ELAVL4: variants seen among roughly 807,000 people sequenced by gnomAD.
The protein encoded by ELAVL4 is ELAV-like protein 4.
A neutral mutation model predicts 35.6 loss-of-function variants in ELAVL4; 1 was observed. The ratio of observed to expected loss-of-function variants is 0.03; its 90% CI spans 0.01 to 0.13. The LOEUF is 0.13. Ranked by LOEUF, ELAVL4 falls within the 10% of genes least tolerant of loss-of-function variation. The pLI, the probability that ELAVL4 is intolerant of heterozygous loss-of-function variation, is 1.00. For synonymous variants in ELAVL4, 156 were observed against 171.0 expected, an observed-to-expected ratio of 0.91 and a Z score of 0.69; for missense variants, 267 against 464.9, an observed-to-expected ratio of 0.57 and a Z score of 3.91.
intron 2 of ELAVL4, among the ~76,000 whole-genome samples, chr1:50,166,697 G>A (rs532073511): frequency 5.9e-5 from 9 of 152,292 alleles, no homozygotes; most frequent in Admixed American, 2.6e-4. Context: ...ATCACAGGGC[G>A]TGGTAATACT....
At chr1:50,153,919 A>G (rs1675254277) in intron 2 of ELAVL4, among the ~76,000 whole-genome samples, 1 of 152,216 alleles carries the variant, frequency 6.6e-6, no homozygotes, top group Admixed American at 6.5e-5. Context: ...CAAGCCAGAA[A>G]AAGAGCCTTC....
At chr1:50,061,079 C>T (rs1050099566) in intron 1 of ELAVL4, among the ~76,000 whole-genome samples, 9 of 152,178 alleles carry the variant, frequency 5.9e-5, no homozygotes, top group African/African-American at 2.2e-4. Context: ...CCTAAAGTAT[C>T]AAAGAGGTCA....
intron 1 of ELAVL4, among the ~76,000 whole-genome samples, chr1:50,090,092 G>T (rs1477300119): frequency 1.3e-5 from 2 of 152,156 alleles, no homozygotes; most frequent in African/African-American, 2.4e-5. Context: ...GAGGACAGTT[G>T]GAAGGTTCTG....
At chr1:50,049,094 C>G (rs1177193036) in intron 1 of ELAVL4, among the ~76,000 whole-genome samples, 1 of 152,118 alleles carries the variant, frequency 6.6e-6, no homozygotes, top group Non-Finnish European at 1.5e-5. Flanking sequence ...CATATTGATT[C>G]CCAAGCTGTT....
At chr1:50,190,578 G>C (rs1682519164) in intron 3 of ELAVL4, among the ~76,000 whole-genome samples, 1 of 152,220 alleles carries the variant, frequency 6.6e-6, no homozygotes, top group African/African-American at 2.4e-5. Context: ...TTGATGTGCT[G>C]TTCACCTTTG....
At chr1:50,174,613 GA>G (rs1679658912) in intron 2 of ELAVL4, 1 of 152,024 alleles carries the variant, frequency 6.6e-6, no homozygotes, top group Non-Finnish European at 1.5e-5. Context: ...GGTGATGGTG[GA>G]TTTGGGACTG....
chr1:50,133,597 AGAAAAGAAAGAAAG>A (rs1406580271), intron 1 of ELAVL4, among the ~76,000 whole-genome samples: 1 of 123,982 alleles, frequency 8.1e-6, no homozygotes, highest in African/African-American at 3.1e-5. Flanking sequence ...AAAGAAAGAA[AGAAAAGAAAGAAAG>A]AAAGAAAGAA....
intron 1 of ELAVL4, among the ~76,000 whole-genome samples, chr1:50,048,552 C>G (rs1222183282): frequency 1.3e-5 from 2 of 152,160 alleles, no homozygotes; most frequent in Non-Finnish European, 2.9e-5. Flanking sequence ...TGCGCCTTTC[C>G]GTAGTTGTCC....
At chr1:50,111,281 G>T in intron 1 of ELAVL4, among the ~76,000 whole-genome samples, 1 of 149,274 alleles carries the variant, frequency 6.7e-6, no homozygotes, top group South Asian at 2.1e-4. Context: ...GTGTGAAATT[G>T]TACATGCGAA....
chr1:50,089,384 G>GT (rs780750666), intron 1 of ELAVL4, among the ~76,000 whole-genome samples: 17 of 151,978 alleles, frequency 1.1e-4, no homozygotes, highest in Non-Finnish European at 1.9e-4. Flanking sequence ...TTCTAATATA[G>GT]TTTTTTTGAA....
At chr1:50,114,335 A>T (rs1350539325) in intron 1 of ELAVL4, among the ~76,000 whole-genome samples, 1 of 152,072 alleles carries the variant, frequency 6.6e-6, no homozygotes, top group East Asian at 1.9e-4. Context: ...AAGTGTTAAC[A>T]TCTGTGCTTT....
intron 1 of ELAVL4, among the ~76,000 whole-genome samples, chr1:50,110,981 G>A (rs1666971769): frequency 6.6e-6 from 1 of 151,958 alleles, no homozygotes; most frequent in African/African-American, 2.4e-5. Flanking sequence ...AAAAGGGGAG[G>A]GGGACAGGAC....
chr1:50,108,784 T>A (rs1666582770), upstream of ELAVL4: 2 of 312,938 alleles, frequency 6.4e-6, no homozygotes, highest in Non-Finnish European at 9.3e-6. Flanking sequence ...ACCAAATCAT[T>A]AACATCGTCA....
At chr1:50,062,491 C>G (rs1442369497) in intron 1 of ELAVL4, among the ~76,000 whole-genome samples, 1 of 152,102 alleles carries the variant, frequency 6.6e-6, no homozygotes, top group African/African-American at 2.4e-5. Context: ...CCATACCACA[C>G]CCACCTTAAT....
At chr1:50,145,230 T>C in intron 2 of ELAVL4, 33 bp downstream of exon 2, 2 of 1,612,040 alleles carry the variant, frequency 1.2e-6, no homozygotes, top group Non-Finnish European at 1.7e-6. Context: ...TGTTGTTCCA[T>C]TAGATGTGCA....
At chr1:50,101,456 G>A (rs1390970617), upstream of ELAVL4, among the ~76,000 whole-genome samples, 1 of 152,128 alleles carries the variant, frequency 6.6e-6, no homozygotes, top group Non-Finnish European at 1.5e-5. Flanking sequence ...CTAAAAGCAT[G>A]TCACAAAGAA....
At chr1:50,198,265 G>T (rs1264481536) in intron 6 of ELAVL4, among the ~76,000 whole-genome samples, 1 of 152,140 alleles carries the variant, frequency 6.6e-6, no homozygotes, top group Non-Finnish European at 1.5e-5. Flanking sequence ...GGAAAGTTGG[G>T]TGTGTGATGT....
intron 3 of ELAVL4, among the ~76,000 whole-genome samples, chr1:50,192,947 A>G (rs923347961): frequency 1.3e-5 from 2 of 152,212 alleles, no homozygotes; most frequent in African/African-American, 4.8e-5. Flanking sequence ...TTTGGGGGGA[A>G]GAAAAGCAGT....
chr1:50,201,356 A>G lies in ELAVL4; in HGVS notation c.*178A>G, dbSNP rs1644385449. ...AAAACATTGGATTATCCTGAGGTGT[A>G]CCAGGAAAGGATTTTATAATGCTTA... is the stretch of plus-strand genomic sequence containing the variant. On this transcript the variant is annotated 3_prime_UTR_variant, in exon 7 of 7. Transcript: ENST00000371824. This position sits in a 1 kb window ranked among gnomAD's most constrained non-coding sequence, Gnocchi z 4.3. 1 of 598,026 alleles carries G rather than the reference A, an allele frequency of 1.7e-6. No homozygotes were observed. The highest frequency in any genetic ancestry group is 7.0e-5 in the South Asian group (1 of 14,214). The allele number at this position is 598,026 out of a possible 1,614,324, so 37.0% of individuals were successfully genotyped here. A position where few individuals can be genotyped will look rare whatever the true frequency, so the allele number is the denominator to read the frequency against.
Sources: gnomAD v4.1 joint callset for allele counts (sites outside exome capture counted in the v4.1 genomes callset) on GRCh38, gnomAD v4.1.1 for gene constraint, Gnocchi (gnomAD v3.1) non-coding constraint, MANE v1.5 for transcripts, NCBI Gene and HGNC (gene_info 2026-07-23, HGNC 2026-07-21) for gene names.